GRIA4: variants seen among roughly 807,000 people sequenced by gnomAD.
GRIA4 encodes glutamate ionotropic receptor AMPA type subunit 4, also known as glutamate receptor 4.
A neutral mutation model predicts 104.0 loss-of-function variants in GRIA4; 34 were observed. The observed-to-expected ratio is 0.33, with a 90% CI of 0.25 to 0.44. The LOEUF (loss-of-function observed/expected upper bound fraction) is 0.44, where lower values mean the gene tolerates loss of function less well. GRIA4 is among the 20% of genes least tolerant of loss of function. The pLI is 1.00. For missense variants in GRIA4, 750 were observed against 1,096.5 expected, an observed-to-expected ratio of 0.68 and a Z score of 4.46; for synonymous variants, 386 against 381.9, an observed-to-expected ratio of 1.01 and a Z score of -0.13.
Position 105,903,915 on chromosome 11 carries a change from G to A in GRIA4, c.987G>A (p.Gly329=), listed in dbSNP as rs769170375. The A allele has an allele frequency of 2.5e-6, 4 of 1,613,436 alleles. No individual in the cohort carries two copies. Among genetic ancestry groups the A allele is most frequent in the Non-Finnish European group, 2.5e-6 (3 of 1,179,514 alleles). ...ATATCTCAAGGAGAGGAAATGCTGGGGATTGTCTGGCAAATCCTGCTGCTC... is the reference window on the plus strand; with the variant it reads ...ATATCTCAAGGAGAGGAAATGCTGGAGATTGTCTGGCAAATCCTGCTGCTC... ...KIDISRRGNA[G]DCLANPAAPW... is the part of the protein sequence containing the mutation. Residue 329 remains glycine, a synonymous_variant, in exon 8 of 17, where the codon GGG becomes GGA. Transcript: ENST00000282499.
chr11:105,719,330 C>T (rs887095179), intron 3 of GRIA4, among the ~76,000 whole-genome samples: 3 of 152,094 alleles, frequency 2.0e-5, no homozygotes, highest in Non-Finnish European at 2.9e-5. Flanking sequence ...AGTTGTCCCA[C>T]GAGCGGCTGG....
At chr11:105,823,546 G>C (rs1167638724) in intron 4 of GRIA4, among the ~76,000 whole-genome samples, 1 of 152,034 alleles carries the variant, frequency 6.6e-6, no homozygotes, top group Non-Finnish European at 1.5e-5. Flanking sequence ...GAAAAGAGTG[G>C]TGTGGCATTA....
chr11:105,972,045 C>A lies in GRIA4; in HGVS notation c.2409+17C>A, dbSNP rs779263414. On this transcript the variant is annotated intron_variant, in intron 15 of 16. Coordinates refer to ENST00000282499, the MANE Select transcript of GRIA4 (RefSeq NM_000829.4). ...GGAAGCAAGGTCAGTCGCTGCAGTTCGGGGCCTCCTCTTGTGTTCACAAAG... is the reference window on the plus strand; with the variant it reads ...GGAAGCAAGGTCAGTCGCTGCAGTTAGGGGCCTCCTCTTGTGTTCACAAAG... 6.8e-7 allele frequency: 1 copy of A among 1,460,854 alleles called. No individual in the cohort carries two copies. The highest frequency in any genetic ancestry group is 1.1e-5 in the South Asian group (1 of 87,928). The allele number at this position is 1,460,854 out of a possible 1,614,324, so 90.5% of individuals were successfully genotyped here.
intron 4 of GRIA4, among the ~76,000 whole-genome samples, chr11:105,848,423 T>C (rs1189411472): frequency 2.0e-5 from 3 of 152,212 alleles, no homozygotes; most frequent in Non-Finnish European, 2.9e-5. Flanking sequence ...AAAGTGGTCA[T>C]TTTAGAAGAT....
chr11:105,962,882 T>A lies in GRIA4; in HGVS notation c.2295-9032T>A, dbSNP rs541927119. On this transcript the variant is annotated intron_variant, in intron 14 of 16. Coordinates refer to ENST00000282499, the MANE Select transcript of GRIA4 (RefSeq NM_000829.4). Reference sequence around the variant, plus strand: ...CATTTAACGCAATAAAGGGAATAATTAATGTAAGAAATAGCTAAAAATATT... The same window carrying A: ...CATTTAACGCAATAAAGGGAATAATAAATGTAAGAAATAGCTAAAAATATT... 8.5e-4 allele frequency among the ~76,000 whole-genome samples: 130 copies of A among 152,226 alleles called. 1 individual carries two copies. The highest frequency in any genetic ancestry group is 3.0e-3 in the African/African-American group (123 of 41,572).
At chr11:105,695,353 C>G (rs535724516) in intron 3 of GRIA4, among the ~76,000 whole-genome samples, 1 of 152,192 alleles carries the variant, frequency 6.6e-6, no homozygotes, top group East Asian at 1.9e-4. Context: ...GGCACACTAC[C>G]CCATGGCCAG....
At chr11:105,664,453 T>C (rs1952106305) in intron 3 of GRIA4, among the ~76,000 whole-genome samples, 1 of 151,610 alleles carries the variant, frequency 6.6e-6, no homozygotes, top group African/African-American at 2.4e-5. Context: ...GTGTTTGATT[T>C]ATATCCCAAA....
intron 3 of GRIA4, among the ~76,000 whole-genome samples, chr11:105,746,713 A>G (rs1415908083): frequency 6.6e-6 from 1 of 152,144 alleles, no homozygotes; most frequent in Admixed American, 6.6e-5. Flanking sequence ...TTAGATTTTT[A>G]TAACTGATAA....
intron 4 of GRIA4, among the ~76,000 whole-genome samples, chr11:105,831,757 G>A (rs1943985650): frequency 1.3e-5 from 2 of 152,020 alleles, no homozygotes; most frequent in Non-Finnish European, 1.5e-5. Context: ...GGAGCAAGTG[G>A]TGGAGCTTTT....
At chr11:105,849,223 A>C (rs1473762823) in intron 4 of GRIA4, among the ~76,000 whole-genome samples, 1 of 152,070 alleles carries the variant, frequency 6.6e-6, no homozygotes, top group Non-Finnish European at 1.5e-5. Flanking sequence ...AGAATACCTG[A>C]ATTCCCTCTT....
chr11:105,658,913 A>C (rs1016902430), intron 3 of GRIA4, among the ~76,000 whole-genome samples: 1 of 151,994 alleles, frequency 6.6e-6, no homozygotes, highest in Non-Finnish European at 1.5e-5. Context: ...TGACAGACAG[A>C]CTGAATCCAT....
intron 14 of GRIA4, among the ~76,000 whole-genome samples, chr11:105,955,802 A>G (rs1948572742): frequency 6.6e-6 from 1 of 152,072 alleles, no homozygotes; most frequent in Non-Finnish European, 1.5e-5. Context: ...ATTTTTTAAA[A>G]ATCACCATTC....
intron 3 of GRIA4, among the ~76,000 whole-genome samples, chr11:105,679,153 C>A (rs184082865): frequency 2.6e-4 from 39 of 152,172 alleles, no homozygotes; most frequent in South Asian, 1.0e-3. Flanking sequence ...AAGTTCAAGT[C>A]CAAAGGTAGT....
intron 4 of GRIA4, among the ~76,000 whole-genome samples, chr11:105,775,248 C>T (rs1291055221): frequency 6.6e-6 from 1 of 152,096 alleles, no homozygotes; most frequent in African/African-American, 2.4e-5. Flanking sequence ...CATCTCAAAA[C>T]CCTTCATTTA....
chr11:105,829,850 G>A (rs1943909238), intron 4 of GRIA4, among the ~76,000 whole-genome samples: 1 of 151,874 alleles, frequency 6.6e-6, no homozygotes, highest in African/African-American at 2.4e-5. Context: ...AGGGAGGGCT[G>A]AGTTGGGGAG....
At chr11:105,730,581 G>A (rs1233549749) in intron 3 of GRIA4, among the ~76,000 whole-genome samples, 3 of 152,028 alleles carry the variant, frequency 2.0e-5, no homozygotes, top group Admixed American at 6.6e-5. Context: ...ACAATCCAAA[G>A]CAAAAAGAAC....
intron 6 of GRIA4, among the ~76,000 whole-genome samples, chr11:105,892,831 A>G (rs1445505197): frequency 6.6e-6 from 1 of 152,180 alleles, no homozygotes; most frequent in Admixed American, 6.5e-5. Flanking sequence ...ATTCTATTTG[A>G]CATTCCTTCC....
intron 14 of GRIA4, among the ~76,000 whole-genome samples, chr11:105,960,191 G>C (rs1186412916): frequency 1.3e-5 from 2 of 152,218 alleles, no homozygotes; most frequent in African/African-American, 4.8e-5. Context: ...TGAGCTGCCC[G>C]ATTCCTCAGA....
chr11:105,699,049 A>G (rs913356076), intron 3 of GRIA4, among the ~76,000 whole-genome samples: 1 of 152,212 alleles, frequency 6.6e-6, no homozygotes, highest in African/African-American at 2.4e-5. Flanking sequence ...GAGTTTATAG[A>G]CTTTTCGTCA....
Sources: gnomAD v4.1 joint callset for allele counts (sites outside exome capture counted in the v4.1 genomes callset) on GRCh38, gnomAD v4.1.1 for gene constraint, MANE v1.5 for transcripts, NCBI Gene and HGNC (gene_info 2026-07-23, HGNC 2026-07-21) for gene names.